LAMA1: variants seen among roughly 807,000 people sequenced by gnomAD.
LAMA1 encodes laminin subunit alpha 1.
In LAMA1, 219 loss-of-function variants were observed where a neutral mutation model predicts 348.7. The ratio of observed to expected loss-of-function variants is 0.63; its 90% confidence interval spans 0.56 to 0.70. The LOEUF is 0.70. Ranked by LOEUF, LAMA1 falls within the 30% of genes least tolerant of loss-of-function variation. LAMA1 has a pLI of 0.00. For synonymous variants in LAMA1, 1,487 were observed against 1,491.0 expected, an observed-to-expected ratio of 1.00 and a Z score of 0.06; for missense variants, 3,744 against 3,888.0, an observed-to-expected ratio of 0.96 and a Z score of 0.99.
At chr18:6,970,975 C>A (rs1165123170) in intron 48 of LAMA1, among the ~76,000 whole-genome samples, 1 of 152,142 alleles carries the variant, frequency 6.6e-6, no homozygotes, top group Non-Finnish European at 1.5e-5. Context: ...ACAGACCTGA[C>A]AATGACAAAA....
intron 19 of LAMA1, among the ~76,000 whole-genome samples, chr18:7,018,715 G>C (rs1023129949): frequency 1.3e-5 from 2 of 152,124 alleles, no homozygotes; most frequent in Admixed American, 1.3e-4. Flanking sequence ...CTTTATAAAT[G>C]TGTGGACTCA....
Position 7,042,213 on chromosome 18 carries a change from T to C in LAMA1, c.1193A>G (p.Asn398Ser). 6.2e-7 allele frequency: 1 copy of C among 1,612,462 alleles called. No individual in the cohort carries two copies. ...ACTGAGGGACCCCACAGGGTCACAA[T>C]TACAGGGGCGGCAAGGCTCATCCTC... Reference protein sequence around the residue: ...PYEDEPCRPCNCDPVGSLSSV... With the variant: ...PYEDEPCRPCSCDPVGSLSSV... Residue 398 changes from asparagine to serine, a missense_variant, in exon 9 of 63, where the codon AAT becomes AGT. By Grantham distance (46) the Asn-to-Ser change is conservative. This residue lies in a region of LAMA1 where 1,529 missense variants were observed against 1,689.4 expected (regional missense o/e 0.91). Transcript: ENST00000389658.
intron 1 of LAMA1, among the ~76,000 whole-genome samples, chr18:7,113,208 G>C (rs1169604579): frequency 1.3e-5 from 2 of 152,204 alleles, no homozygotes; most frequent in Non-Finnish European, 2.9e-5. Context: ...AGAGAGCTGG[G>C]AAGATTTTCC....
chr18:6,957,129 C>A, intron 55 of LAMA1: 1 of 322,880 alleles, frequency 3.1e-6, no homozygotes, highest in South Asian at 2.8e-5. Context: ...GTGACCTCCA[C>A]GAAACACTGA....
chr18:7,033,466 AAAAAGACTTAAATCCAAT>A (rs1389638841), intron 14 of LAMA1, among the ~76,000 whole-genome samples: 1 of 151,832 alleles, frequency 6.6e-6, no homozygotes, highest in Non-Finnish European at 1.5e-5. Flanking sequence ...AAAAAAAAAA[AAAAAGACTTAAATCCAAT>A]AAAAGGGTGA....
chr18:7,040,231 G>A lies in LAMA1; in HGVS notation c.1267C>T (p.Gln423Ter). Residue 423 changes from glutamine (Q) to a stop codon, truncating the protein, a stop_gained, in exon 10 of 63, where the codon CAG becomes TAG. Coordinates refer to ENST00000389658, the MANE Select transcript of LAMA1 (RefSeq NM_005559.4). LOFTEE classifies it high-confidence loss of function. ...DLHSDLHNGK[Q>*]PGQCPCKEGY... ...TCCTTACATGGGCACTGACCTGGCT[G>A]CTTCCCTAGAAAGACAACAATGGCA... The A allele has an allele frequency of 6.2e-7, 1 of 1,614,072 alleles. No individual in the cohort carries two copies. The highest frequency in any genetic ancestry group is 1.3e-5 in the African/African-American group (1 of 75,026).
At chr18:7,060,340 C>T (rs1598301388) in intron 3 of LAMA1, among the ~76,000 whole-genome samples, 1 of 152,328 alleles carries the variant, frequency 6.6e-6, no homozygotes, top group Non-Finnish European at 1.5e-5. Context: ...ATTTGTTTCT[C>T]TTTAAATTTG....
intron 16 of LAMA1, among the ~76,000 whole-genome samples, chr18:7,027,041 A>G (rs1378542701): frequency 6.6e-6 from 1 of 152,152 alleles, no homozygotes; most frequent in Non-Finnish European, 1.5e-5. Flanking sequence ...AATACAAAGA[A>G]AGGCAGTAGA....
intron 1 of LAMA1, among the ~76,000 whole-genome samples, chr18:7,089,341 T>A (rs1977607): frequency 6.8e-6 from 1 of 146,020 alleles, no homozygotes; most frequent in Admixed American, 6.9e-5. Context: ...ATCGTGCCAC[T>A]GCACTCCAGC....
intron 1 of LAMA1, among the ~76,000 whole-genome samples, chr18:7,110,765 C>T (rs932283564): frequency 1.3e-5 from 2 of 151,966 alleles, no homozygotes; most frequent in Non-Finnish European, 2.9e-5. Flanking sequence ...AGGTTGCAGT[C>T]AGCAGACATT....
At chr18:7,024,495 T>C in intron 17 of LAMA1, 29 bp from the exon 18 acceptor site, 3 of 1,573,252 alleles carry the variant, frequency 1.9e-6, no homozygotes, top group Non-Finnish European at 2.6e-6. Context: ...TGAACAAAAT[T>C]TTCCAATGGA....
rs1326475823 is a variant in LAMA1, at chr18:6,975,040, G to T, written c.6490-4C>A. 6 of 1,613,312 alleles carry T rather than the reference G, an allele frequency of 3.7e-6. No individual in the cohort carries two copies. Among genetic ancestry groups the T allele is most frequent in the Non-Finnish European group, 3.4e-6 (4 of 1,179,680 alleles). ...TCTCCACTGCAAGGAAATCAGACTG[G>T]GGGGCGAGGAATGAACGGGGATCAG... On this transcript the variant is annotated splice_region_variant and splice_polypyrimidine_tract_variant and intron_variant, in intron 45 of 62. Coordinates refer to ENST00000389658, the MANE Select transcript of LAMA1 (RefSeq NM_005559.4).
At chr18:6,977,172 T>C (rs2057686480) in intron 44 of LAMA1, among the ~76,000 whole-genome samples, 1 of 152,186 alleles carries the variant, frequency 6.6e-6, no homozygotes, top group Admixed American at 6.5e-5. Flanking sequence ...CCATGTGCCA[T>C]GGGTAAAACA....
Position 7,042,301 on chromosome 18 carries a change from T to C in LAMA1, c.1156-51A>G, listed in dbSNP as rs373806307. The C allele has an allele frequency of 3.7e-5, 39 of 1,047,874 alleles. No homozygotes were observed. The African/African-American group carries it at 5.8e-4, about 16-fold the overall frequency. The allele number at this position is 1,047,874 out of a possible 1,614,324, so 64.9% of individuals were successfully genotyped here. On this transcript the variant is annotated intron_variant, in intron 8 of 62. Coordinates refer to ENST00000389658, the MANE Select transcript of LAMA1 (RefSeq NM_005559.4). ...TCTCTTACTAGAAATAACAGCAATGTTGGCAATAGTATAAATAAGAAGGTA... is the reference window on the plus strand; with the variant it reads ...TCTCTTACTAGAAATAACAGCAATGCTGGCAATAGTATAAATAAGAAGGTA...
chr18:7,045,855 C>T (rs901639189), intron 6 of LAMA1, among the ~76,000 whole-genome samples: 2 of 151,760 alleles, frequency 1.3e-5, no homozygotes, highest in African/African-American at 4.8e-5. Flanking sequence ...CACCATGCCC[C>T]TTTTAAATCT....
chr18:6,956,403 T>C (rs772399247), intron 56 of LAMA1: 1 of 686,798 alleles, frequency 1.5e-6, no homozygotes. Context: ...ATCAGCCCAA[T>C]GCGCGGCCTG....
chr18:7,013,617 G>A (rs2057871208), intron 23 of LAMA1, among the ~76,000 whole-genome samples, 198 bp downstream of exon 23: 1 of 152,114 alleles, frequency 6.6e-6, no homozygotes, highest in Non-Finnish European at 1.5e-5. Context: ...ACTGACACTA[G>A]TAACAGTAAA....
chr18:7,072,867 G>T, intron 3 of LAMA1, among the ~76,000 whole-genome samples: 1 of 152,130 alleles, frequency 6.6e-6, no homozygotes, highest in African/African-American at 2.4e-5. Flanking sequence ...GTGGGAGGCT[G>T]GAGGGCTGGA....
At chr18:6,993,038 C>T (rs969203985) in intron 35 of LAMA1, among the ~76,000 whole-genome samples, 2 of 152,232 alleles carry the variant, frequency 1.3e-5, no homozygotes, top group African/African-American at 4.8e-5. Flanking sequence ...TAAATGTTCT[C>T]AATAAATATT....
Sources: gnomAD v4.1 joint callset for allele counts (sites outside exome capture counted in the v4.1 genomes callset) on GRCh38, gnomAD v4.1.1 for gene constraint, gnomAD v4.1.1 regional missense constraint, MANE v1.5 for transcripts, NCBI Gene and HGNC (gene_info 2026-07-23, HGNC 2026-07-21) for gene names.